PARP2: variants seen among roughly 807,000 people sequenced by gnomAD.
PARP2 encodes poly [ADP-ribose] polymerase 2.
In PARP2, 57 loss-of-function variants were observed where a neutral mutation model predicts 77.8. That is an observed-to-expected ratio of 0.73 (90% CI 0.59 to 0.91). The LOEUF (loss-of-function observed/expected upper bound fraction) is 0.91. Among genes scored for constraint, PARP2 ranks in the 40% least tolerant of loss-of-function variants. The pLI is 0.00. For missense variants in PARP2, 651 were observed against 689.0 expected, an observed-to-expected ratio of 0.94 and a Z score of 0.62; for synonymous variants, 226 against 242.6, an observed-to-expected ratio of 0.93 and a Z score of 0.64.
intron 2 of PARP2, 118 bp from the exon 3 acceptor site, chr14:20,345,276 G>T: frequency 9.5e-7 from 1 of 1,054,164 alleles, no homozygotes; most frequent in Non-Finnish European, 1.4e-6. Context: ...AGATGGATTG[G>T]GGTCTAAGGA....
chr14:20,350,386 C>T (rs963513852), intron 4 of PARP2, 140 bp from the exon 5 acceptor site: 40 of 515,646 alleles, frequency 7.8e-5, no homozygotes, highest in Middle Eastern at 1.0e-3. Flanking sequence ...TTTAATCTTA[C>T]AGGAATCTAA....
In PARP2 at chr14:20,346,868, T is replaced by C. The variant is rs776929234; in HGVS notation, c.279T>C (p.His93=). ...PECTAKVGKA[H]VYCEGNDVYD... ...TTCTCTCTCTCCCTTTCTAGGCTCA[T>C]GTGTATTGTGAAGGAAATGATGTCT... The change falls in exon 4 of 16, where the codon CAT becomes CAC. Residue 93 remains histidine, a synonymous_variant. Transcript: ENST00000429687. The C allele has an allele frequency of 3.1e-6, 5 of 1,599,974 alleles. No individual in the cohort carries two copies. The Admixed American group carries it at 5.0e-5, about 16-fold the overall frequency.
rs1407419810 is a variant in PARP2, at chr14:20,345,482, C to T, written c.273+18C>T. On this transcript the variant is annotated intron_variant, in intron 3 of 15. Coordinates refer to ENST00000429687, the MANE Select transcript of PARP2 (RefSeq NM_001042618.2). ...TGGGGAAGGTAAGAGACTCTGGAAC[C>T]GATCTTCAGTCCATGGATATCTCAG... 5 of 1,585,638 alleles carry T rather than the reference C, an allele frequency of 3.2e-6. No homozygotes were observed. The highest frequency in any genetic ancestry group is 1.1e-5 in the South Asian group (1 of 90,448).
chr14:20,350,763 C>T (rs1883924943), intron 5 of PARP2, 141 bp downstream of exon 5: 1 of 626,536 alleles, frequency 1.6e-6, no homozygotes, highest in African/African-American at 1.8e-5. Flanking sequence ...TCAAGTTGAG[C>T]ATCTTGAAAT....
chr14:20,345,516 C>A, intron 3 of PARP2, 52 bp downstream of exon 3: 1 of 1,358,952 alleles, frequency 7.4e-7, no homozygotes, highest in Non-Finnish European at 1.0e-6. Context: ...AGAGAGCATC[C>A]TTTGTTATAA....
At chr14:20,347,872 T>TC (rs1491463678) in intron 4 of PARP2, among the ~76,000 whole-genome samples, 2 of 100,402 alleles carry the variant, frequency 2.0e-5, no homozygotes, top group Non-Finnish European at 3.3e-5. Flanking sequence ...CTTTTGCACA[T>TC]TTTTTTTTTT....
chr14:20,357,280 C>A, intron 14 of PARP2, 116 bp from the exon 15 acceptor site: 3 of 1,339,710 alleles, frequency 2.2e-6, no homozygotes, highest in Non-Finnish European at 3.2e-6. Context: ...ATTTCTAGTA[C>A]ATTGGATTCC....
In PARP2 at chr14:20,344,969, G is replaced by A. The variant is rs559843221; in HGVS notation, c.84G>A (p.Thr28=). Residue 28 remains threonine (T), a synonymous_variant, in exon 2 of 16, where the codon ACG becomes ACA. Coordinates refer to ENST00000429687, the MANE Select transcript of PARP2 (RefSeq NM_001042618.2). ...NESKRVNNGN[T]APEDSSPAKK... ...GCAAAAGAGTTAATAATGGCAACAC[G>A]GCTCCAGAAGACTCTTCCCCTGCCA... The A allele has an allele frequency of 1.0e-4, 166 of 1,613,996 alleles. 1 individual carries two copies. Among genetic ancestry groups the A allele is most frequent in the Admixed American group, 1.0e-4 (6 of 60,006 alleles).
At chr14:20,345,230 A>C (rs1327929707) in intron 2 of PARP2, 143 bp downstream of exon 2, 2 of 1,028,664 alleles carry the variant, frequency 1.9e-6, no homozygotes, top group African/African-American at 1.6e-5. Context: ...CCACAGCACT[A>C]ATCTACTGCC....
intron 7 of PARP2, among the ~76,000 whole-genome samples, chr14:20,353,699 A>T (rs1245425092): frequency 1.3e-5 from 2 of 152,234 alleles, no homozygotes; most frequent in Non-Finnish European, 1.5e-5. Flanking sequence ...AACTGTCCGG[A>T]AACAGTCACA....
At chr14:20,343,900 T>C (rs1455930513) in intron 1 of PARP2, among the ~76,000 whole-genome samples, 2 of 152,216 alleles carry the variant, frequency 1.3e-5, no homozygotes, top group Non-Finnish European at 2.9e-5. Flanking sequence ...TAACAACTAA[T>C]GTGCCAGTAC....
rs915323395 is a variant in PARP2, at chr14:20,345,036, C to G, written c.151C>G (p.Pro51Ala). Residue 51 changes from proline (P) to alanine (A), a missense_variant, in exon 2 of 16, where the codon CCT becomes GCT. By Grantham distance (27) the Pro-to-Ala change is conservative. Coordinates refer to ENST00000429687, the MANE Select transcript of PARP2 (RefSeq NM_001042618.2). ...CCAGAGACAGGAGTCGAAAAAGATGCCTGTGGCTGGAGGAAAAGCTAATAA... is the reference window on the plus strand; with the variant it reads ...CCAGAGACAGGAGTCGAAAAAGATGGCTGTGGCTGGAGGAAAAGCTAATAA... ...RCQRQESKKM[P>A]VAGGKANKDR... The G allele has an allele frequency of 1.2e-6, 2 of 1,613,754 alleles. No homozygotes were observed. The highest frequency in any genetic ancestry group is 2.7e-5 in the African/African-American group (2 of 74,898).
chr14:20,354,136 G>A lies in PARP2; in HGVS notation c.652G>A (p.Glu218Lys), dbSNP rs753071076. The A allele has an allele frequency of 8.1e-6, 13 of 1,613,244 alleles. No homozygotes were observed. The East Asian group carries it at 1.6e-4, about 19-fold the overall frequency. Residue 218 changes from glutamate to lysine, a missense_variant, in exon 8 of 16, where the codon GAG becomes AAG. Coordinates refer to ENST00000429687, the MANE Select transcript of PARP2 (RefSeq NM_001042618.2). ...EESLKSPLKP[E>K]SQLDLRVQEL... ...ATCTCTTAAATCTCCCTTGAAGCCA[G>A]AGTCACAGCTAGATCTTCGGGTACA...
chr14:20,345,414 TTAAAGGGCAAAGC>T lies in PARP2; in HGVS notation c.225_237del (p.Leu75PhefsTer28), dbSNP rs1381273214. On this transcript the variant is annotated frameshift_variant, in exon 3 of 16. Coordinates refer to ENST00000429687, the MANE Select transcript of PARP2 (RefSeq NM_001042618.2). LOFTEE classifies it high-confidence loss of function. ...CTCAGAATCTGTGAAGGCCTTGCTGTTAAAGGGCAAAGCTCCTGTGGACCCAGAGTGTACAGCC... is the reference window on the plus strand; with the variant it reads ...CTCAGAATCTGTGAAGGCCTTGCTGTTCCTGTGGACCCAGAGTGTACAGCC... 1.2e-6 allele frequency: 2 copies of T among 1,613,848 alleles called. No homozygotes were observed. Among genetic ancestry groups the T allele is most frequent in the Non-Finnish European group, 1.7e-6 (2 of 1,179,872 alleles).
intron 3 of PARP2, 76 bp downstream of exon 3, chr14:20,345,540 G>T: frequency 9.2e-7 from 1 of 1,082,882 alleles, no homozygotes; most frequent in Non-Finnish European, 1.4e-6. Context: ...CTCCTGTCTG[G>T]GATGCTGTTA....
At chr14:20,351,419 TC>T (rs1366842204) in intron 6 of PARP2, among the ~76,000 whole-genome samples, 3 of 152,200 alleles carry the variant, frequency 2.0e-5, no homozygotes, top group Non-Finnish European at 4.4e-5. Context: ...CCTCAGGTGA[TC>T]CGCCTGCCTC....
chr14:20,345,760 G>A (rs1286332239), intron 3 of PARP2, among the ~76,000 whole-genome samples: 2 of 152,118 alleles, frequency 1.3e-5, no homozygotes, highest in African/African-American at 4.8e-5. Context: ...AAGCATAGCA[G>A]TATCTGCTCC....
chr14:20,345,296 A>ATTGG, intron 2 of PARP2, 98 bp from the exon 3 acceptor site: 1 of 1,177,736 alleles, frequency 8.5e-7, no homozygotes, highest in Non-Finnish European at 1.2e-6. Context: ...AAAGACCAGG[A>ATTGG]TTGGTTGGGC....
intron 9 of PARP2, 155 bp from the exon 10 acceptor site, chr14:20,355,597 T>G: frequency 1.8e-6 from 1 of 548,940 alleles, no homozygotes; most frequent in Non-Finnish European, 3.2e-6. Context: ...TATTTGGAAG[T>G]TAAGATCTCT....
Sources: gnomAD v4.1 joint callset for allele counts (sites outside exome capture counted in the v4.1 genomes callset) on GRCh38, gnomAD v4.1.1 for gene constraint, MANE v1.5 for transcripts, NCBI Gene and HGNC (gene_info 2026-07-23, HGNC 2026-07-21) for gene names.